Variants in UPRT observed in about 807,000 individuals in gnomAD.
UPRT encodes RP11-311P8.3.
In UPRT, 5 loss-of-function variants were observed where a neutral mutation model predicts 22.6. The observed-to-expected ratio is 0.22, with a 90% CI of 0.12 to 0.47. UPRT has a LOEUF of 0.47. Among genes scored for constraint, UPRT ranks in the 20% least tolerant of loss-of-function variants. The probability of loss-of-function intolerance (pLI) is 0.99; values close to 1 mark genes in which losing one functional copy is unlikely to be tolerated. For missense variants in UPRT, 181 were observed against 239.9 expected (o/e 0.75, Z 1.62); for synonymous variants, 77 against 87.7 (o/e 0.88, Z 0.68).
At position 75,303,808 on chromosome X, in the gene UPRT, G is replaced by T. The variant is rs747553919; in HGVS notation, c.*297G>T. 20 of 164,692 alleles carry T rather than the reference G, an allele frequency of 1.2e-4. No homozygotes were observed. Among genetic ancestry groups the T allele is most frequent in the Non-Finnish European group, 2.2e-5 (2 of 89,641 alleles). 13.6% of individuals were successfully genotyped at this position (164,692 alleles called of 1,213,427 possible). A position where few individuals can be genotyped will look rare whatever the true frequency, so the allele number is the denominator to read the frequency against. Reference sequence around the variant, plus strand: ...TCCTAATTTATGAGCCTCTTAGTTTGGAGGTTGCTTGAAGCCACAAATAAA... The same window carrying T: ...TCCTAATTTATGAGCCTCTTAGTTTTGAGGTTGCTTGAAGCCACAAATAAA... On this transcript the variant is annotated 3_prime_UTR_variant, in exon 7 of 7. Coordinates refer to ENST00000373383, the MANE Select transcript of UPRT (RefSeq NM_145052.4).
chrX:75,279,914 G>T (rs2082647021), intron 1 of UPRT, among the ~76,000 whole-genome samples: 1 of 111,185 alleles, frequency 9.0e-6, no homozygotes, highest in Admixed American at 9.6e-5. Flanking sequence ...TTCCATTCAT[G>T]AGTTACATCA....
At chrX:75,250,699 T>G (rs923857464) in intron 4 of UPRT, among the ~76,000 whole-genome samples, 17 of 111,592 alleles carry the variant, frequency 1.5e-4, no homozygotes, top group African/African-American at 4.6e-4. Context: ...GAATCCTCCC[T>G]AACTCATTTT....
chrX:75,269,824 C>T (rs1407004391), upstream of UPRT, among the ~76,000 whole-genome samples: 3 of 111,395 alleles, frequency 2.7e-5, no homozygotes, highest in African/African-American at 9.8e-5. Context: ...CTAGGCAATA[C>T]CATTCAGGAC....
At chrX:75,269,416 T>G (rs1411900762), upstream of UPRT, among the ~76,000 whole-genome samples, 1 of 111,688 alleles carries the variant, frequency 9.0e-6, no homozygotes, top group Non-Finnish European at 1.9e-5. Context: ...TTACATTTCA[T>G]ATGGAACCAA....
upstream of UPRT, among the ~76,000 whole-genome samples, chrX:75,272,638 A>G (rs959422597): frequency 9.2e-6 from 1 of 108,832 alleles, no homozygotes; most frequent in Non-Finnish European, 1.9e-5. Context: ...TACAGTGTAT[A>G]CTGCTCGAGT....
At chrX:75,216,666 A>G (rs1019275903) in intron 4 of UPRT, among the ~76,000 whole-genome samples, 1 of 112,885 alleles carries the variant, frequency 8.9e-6, no homozygotes, top group African/African-American at 3.2e-5. Flanking sequence ...TAGTTTGGAT[A>G]TACATTTTGG....
intron 4 of UPRT, among the ~76,000 whole-genome samples, chrX:75,197,696 A>G (rs1434836360): frequency 8.9e-6 from 1 of 112,253 alleles, no homozygotes; most frequent in Non-Finnish European, 1.9e-5. Flanking sequence ...GAAACTTAAC[A>G]GATGCTCTAT....
At chrX:75,263,912 GTTGTGTCT>G (rs1221180502) in intron 4 of UPRT, among the ~76,000 whole-genome samples, 1 of 109,563 alleles carries the variant, frequency 9.1e-6, no homozygotes, top group Non-Finnish European at 1.9e-5. Context: ...ATTCTGGTAT[GTTGTGTCT>G]TTGTTCTCGT....
chrX:75,184,159 C>T (rs2082280906), intron 4 of UPRT, among the ~76,000 whole-genome samples: 3 of 110,727 alleles, frequency 2.7e-5, no homozygotes, highest in South Asian at 7.7e-4. Context: ...GGTTTTAGGT[C>T]GAACGTTTAA....
chrX:75,161,949 A>C (rs967016502), intron 2 of UPRT, among the ~76,000 whole-genome samples: 1 of 111,415 alleles, frequency 9.0e-6, no homozygotes, highest in African/African-American at 3.3e-5. Context: ...CGACAAAAAT[A>C]ATCTTGTGGG....
intron 4 of UPRT, among the ~76,000 whole-genome samples, chrX:75,224,187 T>A (rs1460793915): frequency 9.0e-6 from 1 of 111,550 alleles, no homozygotes; most frequent in African/African-American, 3.3e-5. Context: ...TTTACTTTAG[T>A]TCTGTGAATA....
intron 4 of UPRT, among the ~76,000 whole-genome samples, chrX:75,180,529 G>A (rs776010680): frequency 5.4e-5 from 6 of 110,849 alleles, no homozygotes; most frequent in Admixed American, 9.6e-5. Context: ...TCTTTCAGAG[G>A]GTCTGTAGAT....
intron 4 of UPRT, among the ~76,000 whole-genome samples, chrX:75,199,872 T>C (rs2147622612): frequency 8.9e-6 from 1 of 112,169 alleles, no homozygotes; most frequent in Admixed American, 9.4e-5. Flanking sequence ...TGTAAAAGCG[T>C]TCCTATTTCT....
chrX:75,223,926 C>G (rs759778958), intron 4 of UPRT, among the ~76,000 whole-genome samples: 3 of 111,251 alleles, frequency 2.7e-5, no homozygotes, highest in African/African-American at 9.8e-5. Flanking sequence ...CTTGCTTTAC[C>G]TCCTATTTTT....
intron 4 of UPRT, among the ~76,000 whole-genome samples, chrX:75,266,385 A>G (rs1179234092): frequency 8.9e-6 from 1 of 111,887 alleles, no homozygotes; most frequent in Non-Finnish European, 1.9e-5. Context: ...CTGGCTAGCC[A>G]TATGTAGAAA....
At chrX:75,203,668 G>T (rs2082355134) in intron 4 of UPRT, among the ~76,000 whole-genome samples, 1 of 110,779 alleles carries the variant, frequency 9.0e-6, no homozygotes, top group South Asian at 3.8e-4. Flanking sequence ...GATGGGCAGG[G>T]TCTGGGGGGG....
Position 75,237,877 on chromosome X carries a change from A to G in UPRT, c.-446-53147A>G, listed in dbSNP as rs1343006737. On this transcript the variant is annotated intron_variant, in intron 4 of 13. Transcript: ENST00000652605. The stretch of plus-strand genomic sequence containing the variant: ...GACGAGTTAGTGGGTGCAGCGCACT[A>G]GCATGGCACATGTATACATATGTAA... 2.8e-5 allele frequency among the ~76,000 whole-genome samples: 3 copies of G among 108,883 alleles called. No individual in the cohort carries two copies. In the East Asian group the frequency reaches 9.0e-4, roughly 33 times the overall value. 94.6% of individuals were successfully genotyped at this position (108,883 alleles called of 115,157 possible). A position where few individuals can be genotyped will look rare whatever the true frequency, so the allele number is the denominator to read the frequency against.
At chrX:75,248,735 G>A (rs2082516542) in intron 4 of UPRT, among the ~76,000 whole-genome samples, 1 of 111,305 alleles carries the variant, frequency 9.0e-6, no homozygotes, top group Non-Finnish European at 1.9e-5. Context: ...CTTGAGAAGA[G>A]CAACTCCAAG....
intron 1 of UPRT, among the ~76,000 whole-genome samples, chrX:75,159,862 C>T (rs2082193921): frequency 9.9e-6 from 1 of 100,946 alleles, no homozygotes; most frequent in East Asian, 3.1e-4. Context: ...CTGCAACTTT[C>T]GCCTCCCGGG....
Sources: allele counts gnomAD v4.1 joint callset (sites outside exome capture counted in the v4.1 genomes callset), GRCh38; gene constraint gnomAD v4.1.1; transcripts MANE v1.5; gene names NCBI Gene and HGNC (gene_info 2026-07-23, HGNC 2026-07-21).